The following NUDT13 variants were observed in gnomAD, a reference collection of about 807,000 sequenced individuals.
NUDT13 encodes nudix hydrolase 13.
In NUDT13, 40 loss-of-function variants were observed where a neutral mutation model predicts 41.7. That is an observed-to-expected ratio of 0.96 (90% CI 0.75 to 1.25). The LOEUF (loss-of-function observed/expected upper bound fraction) is 1.25, where lower values mean the gene tolerates loss of function less well. Among genes scored for constraint, NUDT13 ranks in the 50% most tolerant of loss-of-function variants. The pLI, the probability that NUDT13 is intolerant of heterozygous loss-of-function variation, is 0.00. For synonymous variants in NUDT13, 145 were observed against 155.5 expected (o/e 0.93, Z 0.50); for missense variants, 390 against 416.1 (o/e 0.94, Z 0.55).
intron 4 of NUDT13, among the ~76,000 whole-genome samples, chr10:73,123,896 T>C (rs7075727): frequency 0.16 from 23,925 of 152,080 alleles, 3,134 homozygotes; most frequent in African/African-American, 0.34. Flanking sequence ...TGACCTCAAG[T>C]GATTCACCCG....
At chr10:73,116,006 T>A (rs1842497861) in intron 2 of NUDT13, among the ~76,000 whole-genome samples, 1 of 152,004 alleles carries the variant, frequency 6.6e-6, no homozygotes, top group Non-Finnish European at 1.5e-5. Flanking sequence ...AAATAATTTT[T>A]TTTTCTTTTT....
chr10:73,116,527 C>T (rs1241392316), intron 2 of NUDT13, among the ~76,000 whole-genome samples: 1 of 151,992 alleles, frequency 6.6e-6, no homozygotes, highest in Non-Finnish European at 1.5e-5. Context: ...GCAGATCACT[C>T]GAGGTCAGGA....
chr10:73,119,933 A>G (rs1433319511), intron 2 of NUDT13, 85 bp from the exon 3 acceptor site: 2 of 1,331,804 alleles, frequency 1.5e-6, no homozygotes, highest in Non-Finnish European at 2.1e-6. Flanking sequence ...TAAGAGAGGG[A>G]TGCAGCGACA....
In NUDT13 at chr10:73,131,807, TAAAAG is replaced by T. The variant is rs1365010889; in HGVS notation, c.*908_*912del. The T allele has an allele frequency of 3.3e-5, 5 of 152,132 alleles. No individual in the cohort carries two copies. The highest frequency in any genetic ancestry group is 1.2e-4 in the African/African-American group (5 of 41,422). 9.4% of individuals were successfully genotyped at this position (152,132 alleles called of 1,614,324 possible). On this transcript the variant is annotated 3_prime_UTR_variant, in exon 9 of 9. Coordinates refer to ENST00000357321, the MANE Select transcript of NUDT13 (RefSeq NM_015901.6). ...GGGAGAAGAGTTTATTTGGGGAAAATAAAAGAAATTTCCACACCTTTGTTCTGATG... is the reference window on the plus strand; with the variant it reads ...GGGAGAAGAGTTTATTTGGGGAAAATAAATTTCCACACCTTTGTTCTGATG...
Position 73,122,191 on chromosome 10 carries a change from G to A in NUDT13, c.240G>A (p.Leu80=), listed in dbSNP as rs1842659690. The A allele has an allele frequency of 6.2e-7, 1 of 1,613,070 alleles. No homozygotes were observed. The highest frequency in any genetic ancestry group is 1.3e-5 in the African/African-American group (1 of 74,986). Residue 80 remains leucine, a synonymous_variant, in exon 4 of 9, where the codon CTG becomes CTA. Coordinates refer to ENST00000357321, the MANE Select transcript of NUDT13 (RefSeq NM_015901.6). ...RHSLLELERL[L]GKFGQDAQRI... ...GTTTCTTAGAGTTGGAAAGGCTCCT[G>A]GGTAAATTTGGACAGGATGCACAAA...
chr10:73,115,845 C>T (rs975169189), intron 2 of NUDT13, among the ~76,000 whole-genome samples: 13 of 151,890 alleles, frequency 8.6e-5, no homozygotes, highest in African/African-American at 2.9e-4. Flanking sequence ...ACAAAATCTA[C>T]AATAGCACAT....
rs558465728 is a variant in NUDT13, at chr10:73,122,185, G to A, written c.234G>A (p.Arg78=). 135 of 1,612,654 alleles carry A rather than the reference G, an allele frequency of 8.4e-5. No homozygotes were observed. The highest frequency in any genetic ancestry group is 1.1e-4 in the Non-Finnish European group (131 of 1,179,622). The change falls in exon 4 of 9, where the codon AGG becomes AGA. Residue 78 remains arginine (R), a synonymous_variant. Coordinates refer to ENST00000357321, the MANE Select transcript of NUDT13 (RefSeq NM_015901.6). ...CTTTCTGTTTCTTAGAGTTGGAAAG[G>A]CTCCTGGGTAAATTTGGACAGGATG... ...APRHSLLELE[R]LLGKFGQDAQ... is the part of the protein sequence containing the mutation.
chr10:73,120,937 CA>C (rs11322928), intron 3 of NUDT13, among the ~76,000 whole-genome samples: 21,708 of 101,594 alleles, frequency 0.21, 2,445 homozygotes, highest in East Asian at 0.38. Flanking sequence ...GACTCCATCT[CA>C]AAAAAAAAAA....
At chr10:73,130,634 C>T in intron 8 of NUDT13, 69 bp from the exon 9 acceptor site, 1 of 1,287,246 alleles carries the variant, frequency 7.8e-7, no homozygotes, top group Non-Finnish European at 1.1e-6. Flanking sequence ...CATTTTCTGA[C>T]CTTTGGCCAT....
At position 73,125,510 on chromosome 10, in the gene NUDT13, G is replaced by T. The variant is rs114695519; in HGVS notation, c.703+1G>T. ...GCCTTGGCAGGTTTTTGTGATATAG[G>T]TGAGGAGTTTAGGGGATATACAGGT... On this transcript the variant is annotated splice_donor_variant, in intron 7 of 8. Coordinates refer to ENST00000357321, the MANE Select transcript of NUDT13 (RefSeq NM_015901.6). LOFTEE classifies it high-confidence loss of function. The T allele has an allele frequency of 6.3e-7, 1 of 1,577,348 alleles. No individual in the cohort carries two copies. Among genetic ancestry groups the T allele is most frequent in the Non-Finnish European group, 8.6e-7 (1 of 1,158,960 alleles).
intron 8 of NUDT13, among the ~76,000 whole-genome samples, chr10:73,129,675 T>TA (rs568746029): frequency 0.057 from 7,672 of 135,300 alleles, 573 homozygotes; most frequent in African/African-American, 0.18. Flanking sequence ...CCTTACCCTT[T>TA]AAAAAAAAAA....
chr10:73,110,780 C>G (rs1356911498), intron 1 of NUDT13, among the ~76,000 whole-genome samples: 2 of 152,138 alleles, frequency 1.3e-5, no homozygotes, highest in African/African-American at 4.8e-5. Context: ...TTTTCTGATA[C>G]TTTTTTGGAG....
In NUDT13 at chr10:73,126,752, A is replaced by G; in HGVS notation, c.783A>G (p.Ala261=). The G allele has an allele frequency of 6.2e-7, 1 of 1,614,174 alleles. No individual in the cohort carries two copies. Among genetic ancestry groups the G allele is most frequent in the Non-Finnish European group, 8.5e-7 (1 of 1,180,014 alleles). The change falls in exon 8 of 9, where the codon GCA becomes GCG. Residue 261 remains alanine (A), a synonymous_variant. Transcript: ENST00000357321. ...AGGTGGAAAGCCTGCAGTACTATGC[A>G]TCCCAGCATTGGCCCTTCCCTAGTG... ...GLEVESLQYY[A]SQHWPFPSGS...
chr10:73,126,626 C>T (rs770054891), intron 7 of NUDT13, 47 bp from the exon 8 acceptor site: 11 of 1,594,214 alleles, frequency 6.9e-6, no homozygotes, highest in South Asian at 4.5e-5. Context: ...GTCTGTATCA[C>T]CCTTCTAGCC....
intron 1 of NUDT13, among the ~76,000 whole-genome samples, chr10:73,110,810 T>C (rs538770517): frequency 8.5e-5 from 13 of 152,232 alleles, no homozygotes; most frequent in Non-Finnish European, 1.3e-4. Flanking sequence ...AAAATGGAAC[T>C]TGCCAACCTC....
At chr10:73,114,820 TGTGCC>T (rs1326941963) in intron 2 of NUDT13, 1 of 152,960 alleles carries the variant, frequency 6.5e-6, no homozygotes, top group Admixed American at 6.5e-5. Flanking sequence ...CAGAGAGGGT[TGTGCC>T]CCATACTCCG....
chr10:73,112,635 T>C (rs938171971), intron 1 of NUDT13, among the ~76,000 whole-genome samples: 5 of 151,856 alleles, frequency 3.3e-5, no homozygotes, highest in Non-Finnish European at 7.4e-5. Context: ...TCACATTTTT[T>C]GTGTGTGTTG....
At chr10:73,115,455 T>C (rs2394916) in intron 2 of NUDT13, among the ~76,000 whole-genome samples, 23,820 of 152,016 alleles carry the variant, frequency 0.16, 3,068 homozygotes, top group African/African-American at 0.33. Context: ...ATTACAGGCG[T>C]AAGTCACCAA....
Position 73,130,819 on chromosome 10 carries a change from C to T in NUDT13, c.975C>T (p.Phe325=), listed in dbSNP as rs1589673264. Reference sequence around the variant, plus strand: ...AGCAACAGAATGGGACTTTCCCATTCTGGCTGCCCCCTAAGTTAGCCATCT... The same window carrying T: ...AGCAACAGAATGGGACTTTCCCATTTTGGCTGCCCCCTAAGTTAGCCATCT... The part of the protein sequence containing the change: ...YTQQQNGTFP[F]WLPPKLAISH... Residue 325 remains phenylalanine, a synonymous_variant, in exon 9 of 9, where the codon TTC becomes TTT. Transcript: ENST00000357321. The T allele has an allele frequency of 1.2e-6, 2 of 1,612,388 alleles. No homozygotes were observed. The highest frequency in any genetic ancestry group is 2.7e-5 in the African/African-American group (2 of 73,494).
Sources: allele counts gnomAD v4.1 joint callset (sites outside exome capture counted in the v4.1 genomes callset), GRCh38; gene constraint gnomAD v4.1.1; transcripts MANE v1.5; gene names NCBI Gene and HGNC (gene_info 2026-07-23, HGNC 2026-07-21).